The following CAPZA1 variants were observed in gnomAD, a reference collection of about 807,000 sequenced individuals.
CAPZA1 encodes the protein capping actin protein of muscle Z-line subunit alpha 1.
Under a neutral mutation model 40.8 loss-of-function variants are expected in CAPZA1, and 10 were observed. The observed-to-expected ratio is 0.25, with a 90% CI of 0.15 to 0.42. CAPZA1 has a LOEUF of 0.42. CAPZA1 is among the 10% of genes least tolerant of loss of function. The pLI is 1.00. For missense variants in CAPZA1, 277 were observed against 353.8 expected, an observed-to-expected ratio of 0.78 and a Z score of 1.74; for synonymous variants, 98 against 115.0, an observed-to-expected ratio of 0.85 and a Z score of 0.95.
At chr1:112,624,379 C>A (rs965688482) in intron 1 of CAPZA1, among the ~76,000 whole-genome samples, 1 of 152,112 alleles carries the variant, frequency 6.6e-6, no homozygotes, top group East Asian at 1.9e-4. Context: ...GAGGCCAAGG[C>A]GGTCAGATCA....
Position 112,671,530 on chromosome 1 carries a change from A to C in CAPZA1, c.*1398A>C, listed in dbSNP as rs1402810480. On this transcript the variant is annotated 3_prime_UTR_variant, in exon 10 of 10. Coordinates refer to ENST00000263168, the MANE Select transcript of CAPZA1 (RefSeq NM_006135.3). ...GTTTATTTCAATAAAATATATTTGT[A>C]TTATTTGTCCTTCATACTATCCATC... 1 of 152,600 alleles carries C rather than the reference A, an allele frequency of 6.6e-6. No homozygotes were observed. Among genetic ancestry groups the C allele is most frequent in the African/African-American group, 2.4e-5 (1 of 41,446 alleles). The allele number at this position is 152,600 out of a possible 1,614,324, so 9.5% of individuals were successfully genotyped here. A position where few individuals can be genotyped will look rare whatever the true frequency, so the allele number is the denominator to read the frequency against.
intron 7 of CAPZA1, among the ~76,000 whole-genome samples, chr1:112,665,329 A>G (rs1215626733): frequency 2.0e-5 from 3 of 151,804 alleles, no homozygotes; most frequent in Admixed American, 6.6e-5. Context: ...GATGCCTGCC[A>G]CTACACCTGG....
intron 1 of CAPZA1, among the ~76,000 whole-genome samples, chr1:112,641,027 G>A (rs1307941419): frequency 1.3e-5 from 2 of 152,130 alleles, no homozygotes; most frequent in African/African-American, 4.8e-5. Context: ...AAGGCAGCAT[G>A]CTCATTAAGA....
chr1:112,632,006 C>T (rs1444126534), intron 1 of CAPZA1, among the ~76,000 whole-genome samples: 1 of 152,154 alleles, frequency 6.6e-6, no homozygotes, highest in Non-Finnish European at 1.5e-5. Context: ...GTAAAGAAGA[C>T]TATTCAAAAT....
rs1200514754 is a variant in CAPZA1, at chr1:112,653,728, G to A, written c.219+67G>A. The A allele has an allele frequency of 1.1e-5, 12 of 1,052,010 alleles. No individual in the cohort carries two copies. The East Asian group carries it at 2.9e-4, about 25-fold the overall frequency. The allele number at this position is 1,052,010 out of a possible 1,614,324, so 65.2% of individuals were successfully genotyped here. On this transcript the variant is annotated intron_variant, in intron 4 of 9. Coordinates refer to ENST00000263168, the MANE Select transcript of CAPZA1 (RefSeq NM_006135.3). ...AGAGATCCTATTAATGGAAACCAAA[G>A]CAGATGTCTGAACCAGGTGCTGAAT... is the stretch of plus-strand genomic sequence containing the variant.
chr1:112,633,936 T>TCAAC (rs1670969848), intron 1 of CAPZA1, among the ~76,000 whole-genome samples: 1 of 152,178 alleles, frequency 6.6e-6, no homozygotes, highest in Admixed American at 6.5e-5. Flanking sequence ...GGGTTATTTG[T>TCAAC]TTTCTTGCTA....
intron 1 of CAPZA1, chr1:112,625,955 AT>A (rs2101136908): frequency 6.6e-6 from 1 of 152,670 alleles, no homozygotes; most frequent in East Asian, 1.9e-4. Context: ...GACAGTGAGC[AT>A]TTCCAGAGTG....
At position 112,659,016 on chromosome 1, in the gene CAPZA1, C is replaced by A; in HGVS notation, c.427-6C>A. ...GTCTTTAACTATTTTTTTTTCCCAACAATAGGTTTATGCTAAAACTATCGA... is the reference window on the plus strand; with the variant it reads ...GTCTTTAACTATTTTTTTTTCCCAAAAATAGGTTTATGCTAAAACTATCGA... On this transcript the variant is annotated splice_polypyrimidine_tract_variant and splice_region_variant and intron_variant, in intron 5 of 9. Coordinates refer to ENST00000263168, the MANE Select transcript of CAPZA1 (RefSeq NM_006135.3). The A allele has an allele frequency of 6.2e-7, 1 of 1,603,676 alleles. No individual in the cohort carries two copies. Among genetic ancestry groups the A allele is most frequent in the Non-Finnish European group, 8.5e-7 (1 of 1,171,344 alleles).
At position 112,653,574 on chromosome 1, in the gene CAPZA1, TA is replaced by T. The variant is rs66520135; in HGVS notation, c.156-18del. The T allele has an allele frequency of 0.25, 270,126 of 1,091,468 alleles. 13,063 individuals are homozygous for T. The highest frequency in any genetic ancestry group is 0.42 in the East Asian group (14,098 of 33,234). The allele number at this position is 1,091,468 out of a possible 1,614,324, so 67.6% of individuals were successfully genotyped here. A position where few individuals can be genotyped will look rare whatever the true frequency, so the allele number is the denominator to read the frequency against. On this transcript the variant is annotated intron_variant, in intron 3 of 9. Coordinates refer to ENST00000263168, the MANE Select transcript of CAPZA1 (RefSeq NM_006135.3). ...CTCTCCCTCTTTTTTTTTTTTTTTT[TA>T]AAAAACTTTTAAAAAAAAACAGTGC...
chr1:112,629,247 G>T (rs1392818326), intron 1 of CAPZA1, among the ~76,000 whole-genome samples: 1 of 152,138 alleles, frequency 6.6e-6, no homozygotes, highest in African/African-American at 2.4e-5. Flanking sequence ...TTTCTCTGGA[G>T]TTCTTTTCCT....
rs66520135 is a variant in CAPZA1, at chr1:112,653,574, TAAA to T, written c.156-20_156-18del. ...CTCTCCCTCTTTTTTTTTTTTTTTTTAAAAAACTTTTAAAAAAAAACAGTGCAT... is the reference window on the plus strand; with the variant it reads ...CTCTCCCTCTTTTTTTTTTTTTTTTTAAACTTTTAAAAAAAAACAGTGCAT... On this transcript the variant is annotated intron_variant, in intron 3 of 9. Coordinates refer to ENST00000263168, the MANE Select transcript of CAPZA1 (RefSeq NM_006135.3). 346 of 1,127,906 alleles carry T rather than the reference TAAA, an allele frequency of 3.1e-4. 1 individual carries two copies. Among genetic ancestry groups the T allele is most frequent in the African/African-American group, 2.6e-3 (151 of 58,024 alleles). The allele number at this position is 1,127,906 out of a possible 1,614,324, so 69.9% of individuals were successfully genotyped here. A position where few individuals can be genotyped will look rare whatever the true frequency, so the allele number is the denominator to read the frequency against.
chr1:112,667,052 G>C (rs1456652092), intron 7 of CAPZA1, 22 bp from the exon 8 acceptor site: 2 of 1,582,730 alleles, frequency 1.3e-6, no homozygotes, highest in Non-Finnish European at 1.7e-6. Flanking sequence ...CCCTAAAAAG[G>C]CTCAAACATT....
At chr1:112,625,526 A>G (rs1670788641) in intron 1 of CAPZA1, among the ~76,000 whole-genome samples, 1 of 152,246 alleles carries the variant, frequency 6.6e-6, no homozygotes, top group African/African-American at 2.4e-5. Flanking sequence ...CTCTGACAGT[A>G]TTCTTTCCAA....
intron 1 of CAPZA1, among the ~76,000 whole-genome samples, chr1:112,625,091 C>A (rs1016730861): frequency 6.6e-6 from 1 of 152,170 alleles, no homozygotes; most frequent in Non-Finnish European, 1.5e-5. Flanking sequence ...AACACCCCTT[C>A]CCCTACAATT....
chr1:112,627,165 T>A (rs940528514), intron 1 of CAPZA1, among the ~76,000 whole-genome samples: 1 of 152,232 alleles, frequency 6.6e-6, no homozygotes, highest in Admixed American at 6.5e-5. Flanking sequence ...GATACAATGC[T>A]GTTGTCTGCT....
intron 3 of CAPZA1, chr1:112,649,874 A>G (rs560781730): frequency 5.6e-6 from 1 of 177,260 alleles, no homozygotes. Flanking sequence ...AAAATTAACC[A>G]TAAGATAAAA....
intron 7 of CAPZA1, among the ~76,000 whole-genome samples, chr1:112,663,369 T>A (rs948778248): frequency 2.6e-5 from 4 of 152,226 alleles, no homozygotes; most frequent in Non-Finnish European, 5.9e-5. Flanking sequence ...TTTTAAATAT[T>A]CTTATCTATT....
intron 5 of CAPZA1, among the ~76,000 whole-genome samples, chr1:112,658,723 A>T (rs1366849459): frequency 1.3e-5 from 2 of 152,058 alleles, no homozygotes; most frequent in Non-Finnish European, 1.5e-5. Context: ...TCTTGCCTTT[A>T]TTTTCAGTCT....
chr1:112,636,412 C>T (rs1289601336), intron 1 of CAPZA1, among the ~76,000 whole-genome samples: 1 of 152,082 alleles, frequency 6.6e-6, no homozygotes, highest in African/African-American at 2.4e-5. Flanking sequence ...TAAATCCCCC[C>T]TTTTTAGGTT....
Sources: gnomAD v4.1 joint callset for allele counts (sites outside exome capture counted in the v4.1 genomes callset) on GRCh38, gnomAD v4.1.1 for gene constraint, MANE v1.5 for transcripts, NCBI Gene and HGNC (gene_info 2026-07-23, HGNC 2026-07-21) for gene names.